WDR44: variants seen among roughly 807,000 people sequenced by gnomAD.
The protein encoded by WDR44 is WD repeat domain 44.
Under a neutral mutation model 65.7 loss-of-function variants are expected in WDR44, and 9 were observed. The ratio of observed to expected loss-of-function variants is 0.14; its 90% CI spans 0.08 to 0.24. The LOEUF is 0.24. Ranked by LOEUF, WDR44 falls within the 10% of genes least tolerant of loss-of-function variation. The pLI is 1.00. For missense variants in WDR44, 425 were observed against 670.9 expected, an observed-to-expected ratio of 0.63 and a Z score of 4.05; for synonymous variants, 220 against 235.2, an observed-to-expected ratio of 0.94 and a Z score of 0.59.
chrX:118,367,357 G>T (rs2802611), intron 1 of WDR44, among the ~76,000 whole-genome samples: 12,692 of 110,372 alleles, frequency 0.11, 677 homozygotes, highest in Admixed American at 0.24. Context: ...CTCTTTTTTT[G>T]TGTGTGTGTA....
At chrX:118,380,097 A>T (rs2056701272) in intron 2 of WDR44, among the ~76,000 whole-genome samples, 1 of 112,088 alleles carries the variant, frequency 8.9e-6, no homozygotes, top group Admixed American at 9.5e-5. Flanking sequence ...AATAAATATG[A>T]AGTTGGATAT....
At chrX:118,446,108 A>G (rs1301962977) in intron 19 of WDR44, among the ~76,000 whole-genome samples, 1 of 110,460 alleles carries the variant, frequency 9.1e-6, no homozygotes, top group Admixed American at 9.7e-5. Flanking sequence ...CCTGGCCAAC[A>G]TGTTGAAACC....
chrX:118,381,569 CT>C (rs1486725515), intron 2 of WDR44, among the ~76,000 whole-genome samples: 1 of 90,318 alleles, frequency 1.1e-5, no homozygotes, highest in Non-Finnish European at 2.0e-5. Flanking sequence ...TTCTTTCGTT[CT>C]TTCTTCTTTT....
At chrX:118,433,040 A>G in intron 13 of WDR44, 146 bp downstream of exon 13, 1 of 451,671 alleles carries the variant, frequency 2.2e-6, no homozygotes, top group South Asian at 4.0e-5. Flanking sequence ...CCACATAGTC[A>G]AGGGTGATCT....
chrX:118,439,956 T>TA (rs1270831649), intron 14 of WDR44, among the ~76,000 whole-genome samples: 2 of 107,000 alleles, frequency 1.9e-5, no homozygotes, highest in African/African-American at 6.8e-5. Flanking sequence ...CCCATTTTTA[T>TA]AAAAAAATTT....
At position 118,346,163 on chromosome X, in the gene WDR44, C is replaced by T. The variant is rs928971737; in HGVS notation, c.-341C>T. On this transcript the variant is annotated 5_prime_UTR_variant, in exon 1 of 20. Transcript: ENST00000254029. ...CTGTAAATTGCTGCTGCGGGAGAAA[C>T]TGGAGCCGCTGTAGCCGGCGCGCCC... 3.3e-6 allele frequency: 1 copy of T among 302,913 alleles called. No individual in the cohort carries two copies. Among genetic ancestry groups the T allele is most frequent in the Non-Finnish European group, 5.8e-6 (1 of 173,283 alleles). The allele number at this position is 302,913 out of a possible 1,213,427, so 25.0% of individuals were successfully genotyped here.
chrX:118,409,622 C>T lies in WDR44; in HGVS notation c.1667C>T (p.Thr556Ile). The T allele has an allele frequency of 8.4e-7, 1 of 1,183,754 alleles. No individual in the cohort carries two copies. ...AACAATATGCGAATGAAATACAATACTGAAGGTATTTTTCATCTATTTAAA... is the reference window on the plus strand; with the variant it reads ...AACAATATGCGAATGAAATACAATATTGAAGGTATTTTTCATCTATTTAAA... Reference protein sequence around the residue: ...YFNNMRMKYNTEGRVSPSPSQ... With the variant: ...YFNNMRMKYNIEGRVSPSPSQ... Residue 556 changes from threonine to isoleucine, a missense_variant, in exon 11 of 20, where the codon ACT becomes ATT. This residue lies in a region of WDR44 where 45 missense variants were observed against 50.0 expected (regional missense o/e 0.90). Coordinates refer to ENST00000254029, the MANE Select transcript of WDR44 (RefSeq NM_019045.5).
In WDR44 at chrX:118,444,304, C is replaced by T. The variant is rs1437677727; in HGVS notation, c.2513-56C>T. ...ATATTTGGCATATAACATACACTAT[C>T]GTGTTTGTCTTGGTATCCAATTTGT... On this transcript the variant is annotated intron_variant, in intron 18 of 19. Coordinates refer to ENST00000254029, the MANE Select transcript of WDR44 (RefSeq NM_019045.5). 1.1e-5 allele frequency: 12 copies of T among 1,137,160 alleles called. No homozygotes were observed. The African/African-American group carries it at 1.3e-4, about 12-fold the overall frequency. 93.7% of individuals were successfully genotyped at this position (1,137,160 alleles called of 1,213,427 possible). A position where few individuals can be genotyped will look rare whatever the true frequency, so the allele number is the denominator to read the frequency against.
chrX:118,351,793 T>TA (rs1283108200), intron 1 of WDR44, among the ~76,000 whole-genome samples: 4 of 109,745 alleles, frequency 3.6e-5, no homozygotes, highest in Non-Finnish European at 7.6e-5. Context: ...CTACTAAAAA[T>TA]ACAAAAATTA....
At chrX:118,366,503 C>A (rs1039832267) in intron 1 of WDR44, among the ~76,000 whole-genome samples, 9 of 111,606 alleles carry the variant, frequency 8.1e-5, no homozygotes, top group Non-Finnish European at 1.7e-4. Flanking sequence ...AACCTACTTT[C>A]TTCAACACAT....
At chrX:118,357,424 CT>C (rs1248461000) in intron 1 of WDR44, among the ~76,000 whole-genome samples, 1 of 111,627 alleles carries the variant, frequency 9.0e-6, no homozygotes, top group Non-Finnish European at 1.9e-5. Flanking sequence ...CTCTGCTCAT[CT>C]TTGGTGATGA....
At chrX:118,369,607 T>A (rs2056593314) in intron 1 of WDR44, among the ~76,000 whole-genome samples, 1 of 106,357 alleles carries the variant, frequency 9.4e-6, no homozygotes, top group African/African-American at 3.5e-5. Flanking sequence ...TAGCTGGGGC[T>A]ACAGGCGCCC....
At chrX:118,424,351 A>G (rs867484786) in intron 12 of WDR44, among the ~76,000 whole-genome samples, 7 of 93,838 alleles carry the variant, frequency 7.5e-5, no homozygotes, top group African/African-American at 1.2e-4. Context: ...ATATATATGT[A>G]TATATATATA....
At chrX:118,386,422 TA>T (rs776234383) in intron 2 of WDR44, 1 of 356,584 alleles carries the variant, frequency 2.8e-6, no homozygotes, top group Non-Finnish European at 5.4e-6. Flanking sequence ...TATATGTACG[TA>T]TGTGTATATA....
intron 12 of WDR44, among the ~76,000 whole-genome samples, chrX:118,426,726 A>C (rs763925271): frequency 9.0e-6 from 1 of 111,440 alleles, no homozygotes; most frequent in African/African-American, 3.2e-5. Context: ...AGAAAGAAAA[A>C]TATATGTATA....
chrX:118,358,681 G>A (rs2056485020), intron 1 of WDR44, among the ~76,000 whole-genome samples: 1 of 111,404 alleles, frequency 9.0e-6, no homozygotes, highest in African/African-American at 3.3e-5. Context: ...CTCCAGCCTG[G>A]CGACAGAGCG....
chrX:118,362,231 C>A (rs191949637), intron 1 of WDR44, among the ~76,000 whole-genome samples: 2 of 112,288 alleles, frequency 1.8e-5, no homozygotes, highest in East Asian at 5.5e-4. Context: ...ATTTCTACTA[C>A]GCTTTTTGTA....
intron 18 of WDR44, 93 bp downstream of exon 18, chrX:118,443,780 C>CA: frequency 1.0e-6 from 1 of 968,218 alleles, no homozygotes. Flanking sequence ...CACAGTGGCT[C>CA]ACGCCTGTAA....
chrX:118,358,811 ACCT>A lies in WDR44; in HGVS notation c.77+12232_77+12234del, dbSNP rs1338802471. ...AATATGGCCAGGCATGGTGTATCAC[ACCT>A]GTAATCCCAGCACTTTGGGAGGCCG... On this transcript the variant is annotated intron_variant, in intron 1 of 19. Transcript: ENST00000254029. 3.6e-4 allele frequency among the ~76,000 whole-genome samples: 40 copies of A among 110,612 alleles called. No individual in the cohort carries two copies. The Admixed American group carries it at 3.6e-3, about 10-fold the overall frequency.
Sources: allele counts gnomAD v4.1 joint callset (sites outside exome capture counted in the v4.1 genomes callset), GRCh38; gene constraint gnomAD v4.1.1; regional missense constraint gnomAD v4.1.1; transcripts MANE v1.5; gene names NCBI Gene and HGNC (gene_info 2026-07-23, HGNC 2026-07-21).